The following MKRN1 variants were observed in gnomAD, a reference collection of about 807,000 sequenced individuals.
The protein encoded by MKRN1 is makorin ring finger protein 1.
A neutral mutation model predicts 55.5 loss-of-function variants in MKRN1; 9 were observed. The observed-to-expected ratio is 0.16, with a 90% CI of 0.10 to 0.28. MKRN1 has a LOEUF of 0.28. MKRN1 is among the 10% of genes least tolerant of loss of function. The pLI is 1.00. For missense variants in MKRN1, 488 were observed against 626.7 expected, an observed-to-expected ratio of 0.78 and a Z score of 2.36; for synonymous variants, 253 against 235.9, an observed-to-expected ratio of 1.07 and a Z score of -0.66.
At chr7:140,470,362 A>G (rs1242318860) in intron 2 of MKRN1, among the ~76,000 whole-genome samples, 1 of 152,090 alleles carries the variant, frequency 6.6e-6, no homozygotes, top group African/African-American at 2.4e-5. Context: ...AACCGCGTGG[A>G]TCACCTGAGG....
At chr7:140,468,677 G>A (rs1399620149) in intron 2 of MKRN1, among the ~76,000 whole-genome samples, 3 of 113,642 alleles carry the variant, frequency 2.6e-5, no homozygotes, top group South Asian at 2.7e-4. Flanking sequence ...CTCCAACCTG[G>A]CGACAGACTG....
Position 140,457,528 on chromosome 7 carries a change from G to A in MKRN1, c.772-662C>T, listed in dbSNP as rs535672794. On this transcript the variant is annotated intron_variant, in intron 4 of 7. Coordinates refer to ENST00000255977, the MANE Select transcript of MKRN1 (RefSeq NM_013446.4). ...GTGGATCACATGAGGCCTGGAGTTC[G>A]AGACCAGCCTGGTCAACATGGCGAA... 9.9e-5 allele frequency among the ~76,000 whole-genome samples: 15 copies of A among 152,116 alleles called. No homozygotes were observed. The South Asian group carries it at 2.1e-3, about 21-fold the overall frequency.
intron 2 of MKRN1, among the ~76,000 whole-genome samples, chr7:140,465,462 G>A (rs895431255): frequency 3.3e-5 from 5 of 151,810 alleles, no homozygotes; most frequent in Non-Finnish European, 5.9e-5. Flanking sequence ...GACAGAGCAC[G>A]ACTCCATCTA....
chr7:140,459,162 C>A lies in MKRN1; in HGVS notation c.616G>T (p.Ala206Ser). Residue 206 changes from alanine (A) to serine (S), a missense_variant, in exon 4 of 8, where the codon GCC becomes TCC. Ala to Ser is a moderately conservative substitution (Grantham distance 99). Around this residue, in one of 2 missense-constraint regions of MKRN1, gnomAD observed 278 missense variants for 406.7 expected, o/e 0.68. Coordinates refer to ENST00000255977, the MANE Select transcript of MKRN1 (RefSeq NM_013446.4). Reference protein sequence around the residue: ...TKEESEKEQTAVETKKQLCPY... With the variant: ...TKEESEKEQTSVETKKQLCPY... ...CACAGCTGCTTCTTTGTCTCCACGG[C>A]GGTTTGCTCTTTCTCTGATTCTTCC... 2 of 1,613,940 alleles carry A rather than the reference C, an allele frequency of 1.2e-6. No individual in the cohort carries two copies. The highest frequency in any genetic ancestry group is 8.5e-7 in the Non-Finnish European group (1 of 1,179,864).
chr7:140,455,720 A>T, intron 6 of MKRN1, 70 bp downstream of exon 6: 1 of 1,251,932 alleles, frequency 8.0e-7, no homozygotes, highest in South Asian at 1.2e-5. Context: ...ATAATGCAGC[A>T]CCATTCTTTT....
At chr7:140,458,075 G>C (rs1356125609) in intron 4 of MKRN1, among the ~76,000 whole-genome samples, 1 of 152,178 alleles carries the variant, frequency 6.6e-6, no homozygotes, top group African/African-American at 2.4e-5. Context: ...ACTGCTGCTG[G>C]AAATGTAAAA....
intron 1 of MKRN1, chr7:140,478,588 G>C (rs886838772): frequency 2.0e-5 from 3 of 152,196 alleles, no homozygotes; most frequent in Non-Finnish European, 4.4e-5. Flanking sequence ...AAATACAAAA[G>C]CTTCTTCTCA....
Position 140,456,851 on chromosome 7 carries a change from G to T in MKRN1, c.787C>A (p.His263Asn). The stretch of plus-strand genomic sequence containing the variant: ...AATGAGAGCTCCATGTCCTTCTCAT[G>T]GGCCTCAATGCACGACTAGAGAAGG... ...SQHIKSCIEAHEKDMELSFAV... is the reference protein window; with the variant it reads ...SQHIKSCIEANEKDMELSFAV... The change falls in exon 5 of 8, where the codon CAT becomes AAT. Residue 263 changes from histidine (H) to asparagine (N), a missense_variant. Around this residue, in one of 2 missense-constraint regions of MKRN1, gnomAD observed 278 missense variants for 406.7 expected, o/e 0.68. Transcript: ENST00000255977. The T allele has an allele frequency of 6.2e-7, 1 of 1,613,736 alleles. No individual in the cohort carries two copies. The highest frequency in any genetic ancestry group is 8.5e-7 in the Non-Finnish European group (1 of 1,179,818).
Position 140,454,453 on chromosome 7 carries a change from C to T in MKRN1, c.*64G>A, listed in dbSNP as rs1794409795. The T allele has an allele frequency of 6.0e-6, 9 of 1,501,696 alleles. No individual in the cohort carries two copies. The highest frequency in any genetic ancestry group is 6.4e-6 in the Non-Finnish European group (7 of 1,094,320). The allele number at this position is 1,501,696 out of a possible 1,614,324, so 93.0% of individuals were successfully genotyped here. The stretch of plus-strand genomic sequence containing the variant: ...CTAGGAGAGAACACAGGCACTGCCA[C>T]ACCACCACAGGGGACAGCTGCTGTC... On this transcript the variant is annotated 3_prime_UTR_variant, in exon 8 of 8. Transcript: ENST00000255977.
chr7:140,477,472 C>T (rs981202852), intron 1 of MKRN1, among the ~76,000 whole-genome samples: 1 of 152,198 alleles, frequency 6.6e-6, no homozygotes, highest in African/African-American at 2.4e-5. Flanking sequence ...AAGCGCCTGT[C>T]ACCACGCCCG....
At chr7:140,472,098 C>A in intron 1 of MKRN1, 87 bp from the exon 2 acceptor site, 1 of 1,532,900 alleles carries the variant, frequency 6.5e-7, no homozygotes, top group Admixed American at 1.8e-5. Flanking sequence ...ATATATTCAA[C>A]CAGTAAATAC....
intron 1 of MKRN1, chr7:140,478,444 G>A (rs371227317): frequency 6.6e-6 from 1 of 152,146 alleles, no homozygotes; most frequent in Non-Finnish European, 1.5e-5. Context: ...TTTCAAAAGA[G>A]GAACATAGCG....
chr7:140,454,446 A>C lies in MKRN1; in HGVS notation c.*71T>G. ...GGCCTGCCTAGGAGAGAACACAGGC[A>C]CTGCCACACCACCACAGGGGACAGC... On this transcript the variant is annotated 3_prime_UTR_variant, in exon 8 of 8. Transcript: ENST00000255977. 4.1e-6 allele frequency: 6 copies of C among 1,453,724 alleles called. No individual in the cohort carries two copies. Among genetic ancestry groups the C allele is most frequent in the Non-Finnish European group, 5.7e-6 (6 of 1,052,696 alleles). 90.1% of individuals were successfully genotyped at this position (1,453,724 alleles called of 1,614,324 possible).
At chr7:140,478,517 C>T (rs1215917477) in intron 1 of MKRN1, 1 of 147,324 alleles carries the variant, frequency 6.8e-6, no homozygotes, top group Non-Finnish European at 1.5e-5. Context: ...ACCCCGGCCC[C>T]CGAACGCCTG....
At chr7:140,465,942 A>C (rs1441150480) in intron 2 of MKRN1, among the ~76,000 whole-genome samples, 1 of 152,050 alleles carries the variant, frequency 6.6e-6, no homozygotes. Context: ...TTAGCTGGGC[A>C]TGGTGGTGCG....
intron 2 of MKRN1, among the ~76,000 whole-genome samples, chr7:140,462,089 G>A (rs954773674): frequency 6.6e-6 from 1 of 152,164 alleles, no homozygotes; most frequent in African/African-American, 2.4e-5. Flanking sequence ...GTGCAGTAGC[G>A]TGACCTTAGC....
chr7:140,462,658 G>A (rs1395926131), intron 2 of MKRN1, among the ~76,000 whole-genome samples: 1 of 151,758 alleles, frequency 6.6e-6, no homozygotes, highest in Non-Finnish European at 1.5e-5. Context: ...GCAAAACTCC[G>A]TCTCTACTAA....
At chr7:140,463,500 G>A (rs950113918) in intron 2 of MKRN1, among the ~76,000 whole-genome samples, 8 of 152,196 alleles carry the variant, frequency 5.3e-5, no homozygotes, top group African/African-American at 1.9e-4. Context: ...AGAAGCTACC[G>A]TTAGATAGCA....
intron 2 of MKRN1, among the ~76,000 whole-genome samples, chr7:140,464,717 C>G (rs951907188): frequency 6.6e-6 from 1 of 150,522 alleles, no homozygotes; most frequent in Non-Finnish European, 1.5e-5. Context: ...AAAAAACAAA[C>G]AAACAAAACA....
Sources: allele counts gnomAD v4.1 joint callset (sites outside exome capture counted in the v4.1 genomes callset), GRCh38; gene constraint gnomAD v4.1.1; regional missense constraint gnomAD v4.1.1; transcripts MANE v1.5; gene names NCBI Gene and HGNC (gene_info 2026-07-23, HGNC 2026-07-21).